Variants in PRELP observed in about 807,000 individuals in gnomAD.
PRELP encodes prolargin.
PRELP carries 16 observed loss-of-function variants against 22.8 expected under a neutral mutation model. That is an observed-to-expected ratio of 0.70 (90% CI 0.47 to 1.06). PRELP has a LOEUF of 1.06. Ranked by LOEUF, PRELP falls within the 50% of genes least tolerant of loss-of-function variation. The pLI, the probability that PRELP is intolerant of heterozygous loss-of-function variation, is 0.00. For missense variants in PRELP, 434 were observed against 485.2 expected (o/e 0.89, Z 0.99); for synonymous variants, 233 against 211.4 (o/e 1.10, Z -0.89).
At chr1:203,476,508 A>G (rs955182002) in intron 1 of PRELP, among the ~76,000 whole-genome samples, 25 of 152,150 alleles carry the variant, frequency 1.6e-4, no homozygotes, top group Non-Finnish European at 5.9e-5. Context: ...GCCCTCTCAC[A>G]CACACCTCCC....
At chr1:203,478,829 A>C (rs2102205015) in intron 1 of PRELP, among the ~76,000 whole-genome samples, 1 of 152,230 alleles carries the variant, frequency 6.6e-6, no homozygotes, top group South Asian at 2.1e-4. Context: ...TTGTTATCTC[A>C]GGACCACATC....
intron 2 of PRELP, among the ~76,000 whole-genome samples, chr1:203,485,096 A>G (rs1450237178): frequency 1.3e-5 from 2 of 151,964 alleles, no homozygotes; most frequent in Non-Finnish European, 2.9e-5. Context: ...GACACCAACA[A>G]TGGGCGAATA....
rs1232815637 is a variant in PRELP, at chr1:203,487,032, T to C, written c.*151T>C. On this transcript the variant is annotated 3_prime_UTR_variant, in exon 3 of 3. Transcript: ENST00000343110. ...CGAGGCAGGGAAAAGCCATCTATTC[T>C]TCTGCAGCCTCAGGAGCGAGACTTC... The C allele has an allele frequency of 4.4e-6, 4 of 917,846 alleles. No homozygotes were observed. The African/African-American group carries it at 6.7e-5, about 15-fold the overall frequency. 56.9% of individuals were successfully genotyped at this position (917,846 alleles called of 1,614,324 possible).
intron 2 of PRELP, 119 bp from the exon 3 acceptor site, chr1:203,486,587 C>A: frequency 1.0e-6 from 1 of 955,030 alleles, no homozygotes; most frequent in Non-Finnish European, 1.6e-6. Context: ...ATTCCCAAAG[C>A]TAGCCAGTTT....
chr1:203,479,279 G>A (rs1660959408), intron 1 of PRELP, among the ~76,000 whole-genome samples: 1 of 152,174 alleles, frequency 6.6e-6, no homozygotes, highest in Non-Finnish European at 1.5e-5. Flanking sequence ...TTAAATAGCT[G>A]CTCCTAATGA....
rs1009134645 is a variant in PRELP, at chr1:203,490,097, C to T, written c.*3216C>T. On this transcript the variant is annotated 3_prime_UTR_variant, in exon 3 of 3. Coordinates refer to ENST00000343110, the MANE Select transcript of PRELP (RefSeq NM_002725.4). ...AGATTATACTCTTAAGAAATTCCTA[C>T]GAAAGCTATCCAAAAGCCTTTTCTT... 7 of 151,840 alleles carry T rather than the reference C, an allele frequency of 4.6e-5. No individual in the cohort carries two copies. Among genetic ancestry groups the T allele is most frequent in the Admixed American group, 1.3e-4 (2 of 15,252 alleles). 9.4% of individuals were successfully genotyped at this position (151,840 alleles called of 1,614,324 possible).
chr1:203,481,783 G>C (rs1386248296), intron 1 of PRELP, among the ~76,000 whole-genome samples: 1 of 152,168 alleles, frequency 6.6e-6, no homozygotes, highest in Admixed American at 6.5e-5. Context: ...TGTGCAGACT[G>C]GATCTGCTGT....
Position 203,490,287 on chromosome 1 carries a change from T to G in PRELP, c.*3406T>G, listed in dbSNP as rs1437850251. 6.6e-6 allele frequency: 1 copy of G among 152,128 alleles called. No homozygotes were observed. The highest frequency in any genetic ancestry group is 2.4e-5 in the African/African-American group (1 of 41,430). 9.4% of individuals were successfully genotyped at this position (152,128 alleles called of 1,614,324 possible). ...AGCCCCAAAGCCATTTCTTGAAGAA[T>G]TTCTCGCAAACTCACAACCCTCATG... On this transcript the variant is annotated 3_prime_UTR_variant, in exon 3 of 3. Transcript: ENST00000343110.
Position 203,483,715 on chromosome 1 carries a change from G to T in PRELP, c.531G>T (p.Arg177Ser). ...TGCCCCGGAACCTGGAGCAGCTGAG[G>T]CTGAGCCAGAACCACATCTCCAGAA... The part of the protein sequence containing the change: ...SALPRNLEQL[R>S]LSQNHISRIP... Residue 177 changes from arginine (R) to serine (S), a missense_variant, in exon 2 of 3, where the codon AGG becomes AGT. Transcript: ENST00000343110. This position sits in a 1 kb window ranked among gnomAD's most constrained non-coding sequence, Gnocchi z 4.4. 1 of 1,614,214 alleles carries T rather than the reference G, an allele frequency of 6.2e-7. No homozygotes were observed. Among genetic ancestry groups the T allele is most frequent in the African/African-American group, 1.3e-5 (1 of 75,060 alleles).
Position 203,486,962 on chromosome 1 carries a change from T to A in PRELP, c.*81T>A. The A allele has an allele frequency of 7.2e-7, 1 of 1,388,034 alleles. No individual in the cohort carries two copies. Among genetic ancestry groups the A allele is most frequent in the Non-Finnish European group, 9.7e-7 (1 of 1,034,220 alleles). 86.0% of individuals were successfully genotyped at this position (1,388,034 alleles called of 1,614,324 possible). Reference sequence around the variant, plus strand: ...ACCTGTGCCGGCCATTCGTTTTCTCTCTCTCCCTTTCTTTCTCCCAGCTTT... The same window carrying A: ...ACCTGTGCCGGCCATTCGTTTTCTCACTCTCCCTTTCTTTCTCCCAGCTTT... On this transcript the variant is annotated 3_prime_UTR_variant, in exon 3 of 3. Coordinates refer to ENST00000343110, the MANE Select transcript of PRELP (RefSeq NM_002725.4).
At chr1:203,478,053 G>A (rs1660942361) in intron 1 of PRELP, among the ~76,000 whole-genome samples, 1 of 152,204 alleles carries the variant, frequency 6.6e-6, no homozygotes, top group Non-Finnish European at 1.5e-5. Context: ...CTGGAGGGAA[G>A]GAGACCCCAT....
rs186385380 is a variant in PRELP, at chr1:203,485,052, A to G, written c.973+895A>G. Among the ~76,000 whole-genome samples the G allele has an allele frequency of 8.6e-4, 131 of 152,272 alleles. 2 individuals carry two copies. The highest frequency in any genetic ancestry group is 2.8e-3 in the African/African-American group (118 of 41,552). ...TTTGGGGATCCTTAGGTTCCAAACC[A>G]AAGAATGAGATGGAGATTGTTGGTG... On this transcript the variant is annotated intron_variant, in intron 2 of 2. Coordinates refer to ENST00000343110, the MANE Select transcript of PRELP (RefSeq NM_002725.4).
In PRELP at chr1:203,489,325, T is replaced by G. The variant is rs866299371; in HGVS notation, c.*2444T>G. The G allele has an allele frequency of 3.3e-5, 5 of 152,508 alleles. 1 individual carries two copies. The South Asian group carries it at 1.0e-3, about 32-fold the overall frequency. The allele number at this position is 152,508 out of a possible 1,614,324, so 9.4% of individuals were successfully genotyped here. On this transcript the variant is annotated 3_prime_UTR_variant, in exon 3 of 3. Transcript: ENST00000343110. ...AATATGTCTGCTCTCCTTTGCTCTC[T>G]GCAGCTGTAAGCCAGAGGGGATTCA...
intron 1 of PRELP, among the ~76,000 whole-genome samples, chr1:203,476,940 GAAAA>G (rs36000732): frequency 7.1e-6 from 1 of 141,096 alleles, no homozygotes. Flanking sequence ...TGGCAGAGGA[GAAAA>G]AAAAAAAAAG....
rs775556165 is a variant in PRELP, at chr1:203,483,399, A to C, written c.215A>C (p.Asp72Ala). The change falls in exon 2 of 3, where the codon GAC (aspartate) becomes GCC (alanine). Residue 72 changes from aspartate (D) to alanine (A), a missense_variant. Physicochemically the swap from Asp to Ala is moderately radical, Grantham distance 126 (BLOSUM62 -2). Coordinates refer to ENST00000343110, the MANE Select transcript of PRELP (RefSeq NM_002725.4). This position sits in a 1 kb window ranked among gnomAD's most constrained non-coding sequence, Gnocchi z 4.4. The part of the protein sequence containing the change: ...LPPGPPSIFP[D>A]CPRECYCPPD... ...CCAGGCCCTCCATCTATCTTCCCTG[A>C]CTGTCCCCGCGAATGCTACTGCCCC... 1 of 1,613,848 alleles carries C rather than the reference A, an allele frequency of 6.2e-7. No individual in the cohort carries two copies. Among genetic ancestry groups the C allele is most frequent in the Non-Finnish European group, 8.5e-7 (1 of 1,179,930 alleles).
In PRELP at chr1:203,483,472, G is replaced by T; in HGVS notation, c.288G>T (p.Lys96Asn). Residue 96 changes from lysine to asparagine, a missense_variant, in exon 2 of 3, where the codon AAG becomes AAT. Coordinates refer to ENST00000343110, the MANE Select transcript of PRELP (RefSeq NM_002725.4). The surrounding 1 kb of genome is among the most constrained non-coding windows in gnomAD (Gnocchi z 4.4). Reference protein sequence around the residue: ...ALYCDSRNLRKVPVIPPRIHY... With the variant: ...ALYCDSRNLRNVPVIPPRIHY... ...ACTGTGATAGCCGCAACCTGCGAAA[G>T]GTCCCTGTCATCCCGCCCCGCATCC... 6.2e-7 allele frequency: 1 copy of T among 1,614,216 alleles called. No homozygotes were observed. The highest frequency in any genetic ancestry group is 8.5e-7 in the Non-Finnish European group (1 of 1,180,036).
rs941940836 is a variant in PRELP, at chr1:203,489,460, T to C, written c.*2579T>C. The C allele has an allele frequency of 6.6e-6, 1 of 152,248 alleles. No homozygotes were observed. Among genetic ancestry groups the C allele is most frequent in the African/African-American group, 2.4e-5 (1 of 41,462 alleles). 9.4% of individuals were successfully genotyped at this position (152,248 alleles called of 1,614,324 possible). On this transcript the variant is annotated 3_prime_UTR_variant, in exon 3 of 3. Transcript: ENST00000343110. ...TCCATGCACAAGTTCATTCCCTCCATGCTGTCGTCATCGACATATACAGGT... is the reference window on the plus strand; with the variant it reads ...TCCATGCACAAGTTCATTCCCTCCACGCTGTCGTCATCGACATATACAGGT...
rs1301962115 is a variant in PRELP, at chr1:203,483,907, C to T, written c.723C>T (p.Pro241=). 2.5e-6 allele frequency: 4 copies of T among 1,614,118 alleles called. No individual in the cohort carries two copies. Among genetic ancestry groups the T allele is most frequent in the African/African-American group, 2.7e-5 (2 of 74,930 alleles). The change falls in exon 2 of 3, where the codon CCC becomes CCT. Residue 241 remains proline (P), a synonymous_variant. Transcript: ENST00000343110. This position sits in a 1 kb window ranked among gnomAD's most constrained non-coding sequence, Gnocchi z 4.4. ...NILRKMPPRV[P]TAIHQLYLDS... ...TGAGAAAGATGCCGCCCAGGGTCCC[C>T]ACCGCCATTCACCAGCTCTACCTGG...
rs1661124981 is a variant in PRELP, at chr1:203,487,888, TC to T, written c.*1009del. 1 of 152,188 alleles carries T rather than the reference TC, an allele frequency of 6.6e-6. No individual in the cohort carries two copies. The highest frequency in any genetic ancestry group is 6.5e-5 in the Admixed American group (1 of 15,278). The allele number at this position is 152,188 out of a possible 1,614,324, so 9.4% of individuals were successfully genotyped here. Reference sequence around the variant, plus strand: ...CACCTGGACGTCTCCCAGAAGCCCCTCCACGTTTGAAAATGCGCCTCCTCCT... The same window carrying T: ...CACCTGGACGTCTCCCAGAAGCCCCTCACGTTTGAAAATGCGCCTCCTCCT... On this transcript the variant is annotated 3_prime_UTR_variant, in exon 3 of 3. Transcript: ENST00000343110.
Sources: allele counts gnomAD v4.1 joint callset (sites outside exome capture counted in the v4.1 genomes callset), GRCh38; gene constraint gnomAD v4.1.1; non-coding constraint Gnocchi (gnomAD v3.1); transcripts MANE v1.5; gene names NCBI Gene and HGNC (gene_info 2026-07-23, HGNC 2026-07-21).